The following SLF2 variants were observed in gnomAD, a reference collection of about 807,000 sequenced individuals.
The protein encoded by SLF2 is SMC5-SMC6 complex localization factor protein 2.
In SLF2, 68 loss-of-function variants were observed where a neutral mutation model predicts 124.3. The ratio of observed to expected loss-of-function variants is 0.55; its 90% CI spans 0.45 to 0.67. SLF2 has a LOEUF of 0.67. SLF2 is among the 30% of genes least tolerant of loss of function. SLF2 has a pLI of 0.00. For synonymous variants in SLF2, 480 were observed against 478.8 expected (o/e 1.00, Z -0.03); for missense variants, 1,246 against 1,373.7 (o/e 0.91, Z 1.47).
intron 12 of SLF2, among the ~76,000 whole-genome samples, chr10:100,944,494 C>A (rs79069022): frequency 9.5e-3 from 950 of 99,804 alleles, no homozygotes; most frequent in African/African-American, 0.011. Flanking sequence ...GACTCTGTCT[C>A]AAAAAAAAAA....
At chr10:100,922,878 C>T (rs951307448) in intron 4 of SLF2, among the ~76,000 whole-genome samples, 7 of 151,384 alleles carry the variant, frequency 4.6e-5, no homozygotes, top group South Asian at 2.1e-4. Flanking sequence ...CAGGTTCAAG[C>T]GATTCTCCTG....
intron 17 of SLF2, among the ~76,000 whole-genome samples, chr10:100,952,532 G>A (rs1381787652): frequency 6.8e-6 from 1 of 146,478 alleles, no homozygotes; most frequent in Non-Finnish European, 1.5e-5. Flanking sequence ...GGGCAACAGA[G>A]GGAGACTCCA....
Position 100,964,181 on chromosome 10 carries a change from T to C in SLF2, c.*2269T>C, listed in dbSNP as rs1850471913. The stretch of plus-strand genomic sequence containing the variant: ...TGCTATTGCCCGGTGAATGGGATGG[T>C]AGAGAGGGAGAAATGTTCATTGCAC... On this transcript the variant is annotated 3_prime_UTR_variant, in exon 20 of 20. Coordinates refer to ENST00000238961, the MANE Select transcript of SLF2 (RefSeq NM_018121.4). 6.6e-6 allele frequency: 1 copy of C among 152,596 alleles called. No homozygotes were observed. The highest frequency in any genetic ancestry group is 2.4e-5 in the African/African-American group (1 of 41,432). 9.5% of individuals were successfully genotyped at this position (152,596 alleles called of 1,614,324 possible). A position where few individuals can be genotyped will look rare whatever the true frequency, so the allele number is the denominator to read the frequency against.
intron 11 of SLF2, among the ~76,000 whole-genome samples, chr10:100,940,403 A>G (rs1034285043): frequency 7.9e-5 from 12 of 152,184 alleles, no homozygotes; most frequent in Non-Finnish European, 1.5e-5. Flanking sequence ...TTTGTTGCGC[A>G]GGCTGGAGTG....
intron 9 of SLF2, among the ~76,000 whole-genome samples, chr10:100,936,258 C>G (rs1400007662): frequency 2.0e-5 from 3 of 151,802 alleles, no homozygotes; most frequent in African/African-American, 7.3e-5. Flanking sequence ...ATCGATAATA[C>G]TAGGGTATTA....
intron 4 of SLF2, among the ~76,000 whole-genome samples, chr10:100,922,976 A>ATG (rs1249635206): frequency 1.3e-5 from 2 of 151,810 alleles, no homozygotes; most frequent in Non-Finnish European, 2.9e-5. Flanking sequence ...GGGTTTCACC[A>ATG]TGTTGGCCAG....
intron 10 of SLF2, 39 bp downstream of exon 10, chr10:100,937,516 A>G (rs751601792): frequency 1.3e-5 from 15 of 1,153,876 alleles, no homozygotes; most frequent in Admixed American, 1.2e-4. Context: ...CGTGTGTATT[A>G]TTGGTTGCTA....
In SLF2 at chr10:100,924,176, T is replaced by C. The variant is rs572800842; in HGVS notation, c.1175T>C (p.Ile392Thr). ...GGTGATGTGTTGCGCTTAGAAGATA[T>C]ATCCAAGGAACCGAGTGATGAAACT... ...TPGDVLRLED[I>T]SKEPSDETDG... is the part of the protein sequence containing the mutation. Residue 392 changes from isoleucine (I) to threonine (T), a missense_variant, in exon 5 of 20, where the codon ATA (isoleucine) becomes ACA (threonine). By Grantham distance (89) the Ile-to-Thr change is moderately conservative. Coordinates refer to ENST00000238961, the MANE Select transcript of SLF2 (RefSeq NM_018121.4). 3.7e-6 allele frequency: 6 copies of C among 1,614,028 alleles called. No individual in the cohort carries two copies. The highest frequency in any genetic ancestry group is 2.7e-5 in the African/African-American group (2 of 75,012).
chr10:100,945,966 A>C (rs566220916), intron 13 of SLF2, among the ~76,000 whole-genome samples: 9 of 152,378 alleles, frequency 5.9e-5, no homozygotes, highest in African/African-American at 1.9e-4. Context: ...AGGCCTTTCC[A>C]AAATAACCTT....
At chr10:100,953,591 A>G (rs1850265202) in intron 17 of SLF2, among the ~76,000 whole-genome samples, 1 of 152,040 alleles carries the variant, frequency 6.6e-6, no homozygotes, top group African/African-American at 2.4e-5. Flanking sequence ...TATACTAACA[A>G]TTATTTTAAC....
At chr10:100,913,932 T>G in intron 1 of SLF2, 1 of 934,440 alleles carries the variant, frequency 1.1e-6, no homozygotes, top group Non-Finnish European at 1.3e-6. Context: ...GTATTAAGTT[T>G]TAACAATATT....
At chr10:100,947,895 G>T (rs552076489) in intron 15 of SLF2, 48 bp downstream of exon 15, 3 of 1,422,862 alleles carry the variant, frequency 2.1e-6, no homozygotes, top group African/African-American at 2.8e-5. Flanking sequence ...GAGGTAATGA[G>T]AGGTGTAAGG....
At chr10:100,957,446 G>A (rs1214738867) in intron 18 of SLF2, among the ~76,000 whole-genome samples, 4 of 141,788 alleles carry the variant, frequency 2.8e-5, no homozygotes, top group African/African-American at 5.4e-5. Flanking sequence ...CGCCTTCCAG[G>A]TTCAAGCGAT....
rs1849569944 is a variant in SLF2, at chr10:100,924,249, C to T, written c.1248C>T (p.Gly416=). Residue 416 remains glycine, a synonymous_variant, in exon 5 of 20, where the codon GGC becomes GGT. Transcript: ENST00000238961. Reference sequence around the variant, plus strand: ...CACCTTCAAATTCTGGCAATTCTGGCCACCATTCTACCAGGAATAGTGACC... The same window carrying T: ...CACCTTCAAATTCTGGCAATTCTGGTCACCATTCTACCAGGAATAGTGACC... ...GLAPSNSGNS[G]HHSTRNSDQI... 6.2e-7 allele frequency: 1 copy of T among 1,614,080 alleles called. No individual in the cohort carries two copies. The highest frequency in any genetic ancestry group is 8.5e-7 in the Non-Finnish European group (1 of 1,179,998).
intron 11 of SLF2, among the ~76,000 whole-genome samples, chr10:100,940,778 C>T (rs1336630657): frequency 4.1e-5 from 5 of 121,754 alleles, no homozygotes. Flanking sequence ...CCTTCCCCTG[C>T]CCCTGCTCCT....
intron 9 of SLF2, among the ~76,000 whole-genome samples, chr10:100,932,346 A>T (rs1849753985): frequency 1.3e-5 from 2 of 152,186 alleles, no homozygotes; most frequent in Non-Finnish European, 2.9e-5. Context: ...GGAAAAAGGA[A>T]TCGTAGTATA....
Position 100,916,891 on chromosome 10 carries a change from G to T in SLF2, c.506G>T (p.Arg169Leu). ...ATGAAGTCACTAAAGAAAAAACATCGATCCCCAGAGAGAAGGAAGTCACTA... is the reference window on the plus strand; with the variant it reads ...ATGAAGTCACTAAAGAAAAAACATCTATCCCCAGAGAGAAGGAAGTCACTA... ...KEMKSLKKKH[R>L]SPERRKSLFI... Residue 169 changes from arginine (R) to leucine (L), a missense_variant, in exon 3 of 20, where the codon CGA becomes CTA. Coordinates refer to ENST00000238961, the MANE Select transcript of SLF2 (RefSeq NM_018121.4). 1 of 1,613,982 alleles carries T rather than the reference G, an allele frequency of 6.2e-7. No homozygotes were observed. Among genetic ancestry groups the T allele is most frequent in the Non-Finnish European group, 8.5e-7 (1 of 1,180,008 alleles).
At chr10:100,918,291 A>C in intron 3 of SLF2, 93 bp from the exon 4 acceptor site, 1 of 739,378 alleles carries the variant, frequency 1.4e-6, no homozygotes, top group Admixed American at 2.7e-5. Context: ...GCCTTATTCA[A>C]TCTAGAAATC....
intron 13 of SLF2, among the ~76,000 whole-genome samples, 160 bp downstream of exon 13, chr10:100,945,666 G>A (rs917420428): frequency 2.0e-5 from 3 of 152,126 alleles, no homozygotes; most frequent in Admixed American, 6.5e-5. Flanking sequence ...ATTTAAATTC[G>A]TGATAATTGA....
Sources: allele counts gnomAD v4.1 joint callset (sites outside exome capture counted in the v4.1 genomes callset), GRCh38; gene constraint gnomAD v4.1.1; transcripts MANE v1.5; gene names NCBI Gene and HGNC (gene_info 2026-07-23, HGNC 2026-07-21).